The following STRN3 variants were observed in gnomAD, a reference collection of about 807,000 sequenced individuals.
STRN3 encodes striatin 3, also known as striatin-3.
Under a neutral mutation model 95.6 loss-of-function variants are expected in STRN3, and 29 were observed. The ratio of observed to expected loss-of-function variants is 0.30; its 90% CI spans 0.23 to 0.41. The LOEUF (loss-of-function observed/expected upper bound fraction) is 0.41. Ranked by LOEUF, STRN3 falls within the 10% of genes least tolerant of loss-of-function variation. The pLI, the probability that STRN3 is intolerant of heterozygous loss-of-function variation, is 1.00. For missense variants in STRN3, 890 were observed against 972.1 expected (o/e 0.92, Z 1.12); for synonymous variants, 331 against 357.6 (o/e 0.93, Z 0.84).
At chr14:30,899,825 C>T (rs1484565814) in intron 16 of STRN3, among the ~76,000 whole-genome samples, 1 of 151,694 alleles carries the variant, frequency 6.6e-6, no homozygotes, top group Non-Finnish European at 1.5e-5. Context: ...GTATCCAGTG[C>T]AGTATAGTAC....
At chr14:30,961,680 T>C (rs1345585571) in intron 1 of STRN3, among the ~76,000 whole-genome samples, 1 of 152,252 alleles carries the variant, frequency 6.6e-6, no homozygotes, top group African/African-American at 2.4e-5. Flanking sequence ...TGGGTTGTAG[T>C]GTGCAGTCAC....
chr14:30,990,096 G>A (rs1881881017), intron 1 of STRN3, among the ~76,000 whole-genome samples: 1 of 151,320 alleles, frequency 6.6e-6, no homozygotes, highest in Non-Finnish European at 1.5e-5. Context: ...AATGACTCAA[G>A]GAGTTAAAGA....
At chr14:30,920,897 A>C (rs900385063) in intron 8 of STRN3, among the ~76,000 whole-genome samples, 2 of 152,034 alleles carry the variant, frequency 1.3e-5, no homozygotes, top group African/African-American at 4.8e-5. Context: ...ATCTGATCCT[A>C]TTTTTTCTAC....
chr14:30,936,105 T>A (rs1031705120), intron 6 of STRN3, among the ~76,000 whole-genome samples: 5 of 152,254 alleles, frequency 3.3e-5, no homozygotes, highest in Admixed American at 2.0e-4. Context: ...GACTTATTTA[T>A]AATTCACAGA....
At chr14:31,006,328 G>A (rs1882712140) in intron 1 of STRN3, among the ~76,000 whole-genome samples, 1 of 152,054 alleles carries the variant, frequency 6.6e-6, no homozygotes, top group Non-Finnish European at 1.5e-5. Context: ...GCTGAGGCAG[G>A]AGGGCAGCTC....
intron 5 of STRN3, among the ~76,000 whole-genome samples, chr14:30,941,172 C>A (rs761595292): frequency 6.6e-6 from 1 of 152,142 alleles, no homozygotes; most frequent in South Asian, 2.1e-4. Context: ...AAATAAATTT[C>A]TATTGTTTAT....
intron 9 of STRN3, 23 bp from the exon 10 acceptor site, chr14:30,913,680 T>G: frequency 6.2e-7 from 1 of 1,610,964 alleles, no homozygotes; most frequent in Non-Finnish European, 8.5e-7. Flanking sequence ...AAACCGCTTC[T>G]TAAATGCTGA....
At chr14:30,970,435 A>T (rs1428987546) in intron 1 of STRN3, among the ~76,000 whole-genome samples, 1 of 152,138 alleles carries the variant, frequency 6.6e-6, no homozygotes, top group Non-Finnish European at 1.5e-5. Context: ...CCATACATTC[A>T]TTTTACTAAA....
chr14:30,948,823 A>G (rs1879495111), intron 4 of STRN3, among the ~76,000 whole-genome samples: 1 of 152,212 alleles, frequency 6.6e-6, no homozygotes, highest in African/African-American at 2.4e-5. Context: ...TGTCCAAGTG[A>G]TTTCTCTACT....
intron 1 of STRN3, among the ~76,000 whole-genome samples, chr14:30,989,487 G>C (rs1881849060): frequency 6.6e-6 from 1 of 152,250 alleles, no homozygotes; most frequent in African/African-American, 2.4e-5. Context: ...TTGAGATGGA[G>C]TCTGGCTCTG....
At chr14:30,986,517 A>G (rs1443757985) in intron 1 of STRN3, among the ~76,000 whole-genome samples, 1 of 152,242 alleles carries the variant, frequency 6.6e-6, no homozygotes, top group Non-Finnish European at 1.5e-5. Context: ...CTAAAAGGTA[A>G]TAAACCTTTT....
At chr14:30,962,832 C>G (rs1880277225) in intron 1 of STRN3, among the ~76,000 whole-genome samples, 1 of 152,018 alleles carries the variant, frequency 6.6e-6, no homozygotes, top group Non-Finnish European at 1.5e-5. Flanking sequence ...AGCACCTGGC[C>G]CCATTTTTTT....
intron 1 of STRN3, among the ~76,000 whole-genome samples, chr14:30,966,453 G>A (rs1880513322): frequency 6.6e-6 from 1 of 152,026 alleles, no homozygotes; most frequent in Non-Finnish European, 1.5e-5. Flanking sequence ...TTTCTCTCTC[G>A]TGAGGAGGTG....
intron 1 of STRN3, among the ~76,000 whole-genome samples, chr14:31,015,058 AC>A (rs371021241): frequency 1.1e-4 from 16 of 152,164 alleles, no homozygotes; most frequent in African/African-American, 3.6e-4. Flanking sequence ...CAAACTCCTG[AC>A]CTCAAGTGAT....
chr14:30,944,000 G>A (rs74040966), intron 5 of STRN3, among the ~76,000 whole-genome samples: 2 of 152,062 alleles, frequency 1.3e-5, no homozygotes, highest in Non-Finnish European at 2.9e-5. Flanking sequence ...AGTTTGTTGA[G>A]AGGGCAGATC....
chr14:30,918,012 T>C (rs987905170), intron 9 of STRN3, among the ~76,000 whole-genome samples: 2 of 152,166 alleles, frequency 1.3e-5, no homozygotes, highest in East Asian at 1.9e-4. Flanking sequence ...AGTATACCCA[T>C]ATATCTTCGG....
chr14:30,999,215 T>A (rs770701054), intron 1 of STRN3, among the ~76,000 whole-genome samples: 4 of 151,612 alleles, frequency 2.6e-5, no homozygotes, highest in Non-Finnish European at 4.4e-5. Context: ...CCGGCTAATT[T>A]TTTTATTTTT....
Position 31,016,776 on chromosome 14 carries a change from CT to C in STRN3, c.282+9127del, listed in dbSNP as rs573920977. 6.2e-3 allele frequency among the ~76,000 whole-genome samples: 940 copies of C among 152,236 alleles called. 5 individuals carry two copies. Among genetic ancestry groups the C allele is most frequent in the Non-Finnish European group, 0.011 (726 of 68,014 alleles). On this transcript the variant is annotated intron_variant, in intron 1 of 17. Coordinates refer to ENST00000357479, the MANE Select transcript of STRN3 (RefSeq NM_001083893.2). The stretch of plus-strand genomic sequence containing the variant: ...GCCAGGCTGGTCTCAAACTCCTGAC[CT>C]TGTGATCCACCCGCTTTGGCCTCCC...
intron 9 of STRN3, among the ~76,000 whole-genome samples, chr14:30,915,158 T>G (rs1448456289): frequency 6.6e-6 from 1 of 152,080 alleles, no homozygotes; most frequent in Non-Finnish European, 1.5e-5. Context: ...ATTATCAATT[T>G]TAAAAAAATT....
Sources: gnomAD v4.1 joint callset for allele counts (sites outside exome capture counted in the v4.1 genomes callset) on GRCh38, gnomAD v4.1.1 for gene constraint, MANE v1.5 for transcripts, NCBI Gene and HGNC (gene_info 2026-07-23, HGNC 2026-07-21) for gene names.